CFAP221: variants seen among roughly 807,000 people sequenced by gnomAD.
The protein encoded by CFAP221 is cilia- and flagella-associated protein 221.
A neutral mutation model predicts 113.1 loss-of-function variants in CFAP221; 97 were observed. The ratio of observed to expected loss-of-function variants is 0.86; its 90% confidence interval spans 0.73 to 1.02. The LOEUF is 1.02. CFAP221 is among the 50% of genes least tolerant of loss of function. The pLI, the probability that CFAP221 is intolerant of heterozygous loss-of-function variation, is 0.00. For missense variants in CFAP221, 1,025 were observed against 1,013.4 expected (o/e 1.01, Z -0.16); for synonymous variants, 331 against 354.4 (o/e 0.93, Z 0.74).
intron 19 of CFAP221, among the ~76,000 whole-genome samples, chr2:119,632,836 A>G (rs552898472): frequency 2.6e-5 from 4 of 152,164 alleles, no homozygotes; most frequent in African/African-American, 7.2e-5. Flanking sequence ...ATATTTCTGT[A>G]TACTAGCAAC....
intron 8 of CFAP221, chr2:119,601,686 C>A: frequency 4.5e-6 from 1 of 221,056 alleles, no homozygotes; most frequent in Non-Finnish European, 8.8e-6. Context: ...ATTGCCTAGT[C>A]GAAAATTTAA....
intron 11 of CFAP221, among the ~76,000 whole-genome samples, 192 bp downstream of exon 11, chr2:119,605,481 G>A (rs1007444725): frequency 1.3e-5 from 2 of 152,250 alleles, no homozygotes; most frequent in African/African-American, 4.8e-5. Flanking sequence ...AAACCACACT[G>A]TTTGCTAAGT....
intron 7 of CFAP221, among the ~76,000 whole-genome samples, chr2:119,588,517 C>T (rs1683372450): frequency 6.6e-6 from 1 of 152,156 alleles, no homozygotes; most frequent in Non-Finnish European, 1.5e-5. Context: ...TATTCAAAAT[C>T]AGGGTACTAT....
chr2:119,553,811 A>C (rs1680592520), intron 3 of CFAP221, among the ~76,000 whole-genome samples: 1 of 152,166 alleles, frequency 6.6e-6, no homozygotes, highest in Non-Finnish European at 1.5e-5. Context: ...TCTGTCTTTC[A>C]TATTGCTGCT....
chr2:119,653,218 TA>T (rs1006847690), intron 23 of CFAP221, among the ~76,000 whole-genome samples: 48 of 151,792 alleles, frequency 3.2e-4, no homozygotes, highest in African/African-American at 1.1e-3. Context: ...CCATCTCTAC[TA>T]AAAATACAAA....
chr2:119,611,556 T>G, intron 12 of CFAP221, 97 bp from the exon 13 acceptor site: 2 of 1,014,506 alleles, frequency 2.0e-6, no homozygotes. Context: ...CGTGGGTGGA[T>G]TTGGCCAATT....
At chr2:119,567,042 C>T (rs1036837350) in intron 6 of CFAP221, among the ~76,000 whole-genome samples, 1 of 152,098 alleles carries the variant, frequency 6.6e-6, no homozygotes, top group Non-Finnish European at 1.5e-5. Flanking sequence ...CCCATATCTC[C>T]CTGCCCCATG....
intron 20 of CFAP221, among the ~76,000 whole-genome samples, chr2:119,639,402 G>A (rs950289545): frequency 9.2e-5 from 14 of 152,194 alleles, no homozygotes; most frequent in African/African-American, 3.4e-4. Flanking sequence ...CACGTGGCGC[G>A]CGTGTGCAGC....
At chr2:119,655,353 C>T (rs1244217506) in intron 23 of CFAP221, among the ~76,000 whole-genome samples, 1 of 152,160 alleles carries the variant, frequency 6.6e-6, no homozygotes, top group Admixed American at 6.5e-5. Flanking sequence ...ATTAGTATCT[C>T]TAAGGGGAGA....
chr2:119,555,437 T>C (rs948094964), intron 3 of CFAP221, among the ~76,000 whole-genome samples: 11 of 152,348 alleles, frequency 7.2e-5, no homozygotes, highest in Non-Finnish European at 1.5e-4. Context: ...TCAAATAAAC[T>C]CTTCATATTA....
intron 13 of CFAP221, among the ~76,000 whole-genome samples, chr2:119,613,733 A>G (rs970829698): frequency 2.6e-5 from 4 of 152,246 alleles, no homozygotes; most frequent in African/African-American, 9.6e-5. Flanking sequence ...AAGACCTCTG[A>G]CATGTCCTGG....
intron 3 of CFAP221, among the ~76,000 whole-genome samples, chr2:119,550,265 T>A (rs1680326650): frequency 6.6e-6 from 1 of 152,292 alleles, no homozygotes; most frequent in East Asian, 1.9e-4. Context: ...GAAAGTTCTA[T>A]CACGTTCGAT....
At chr2:119,558,724 A>T (rs1681004357) in intron 3 of CFAP221, among the ~76,000 whole-genome samples, 1 of 152,114 alleles carries the variant, frequency 6.6e-6, no homozygotes, top group African/African-American at 2.4e-5. Flanking sequence ...TCAGGAGCAA[A>T]TGCAGGAGGT....
chr2:119,603,792 A>G (rs558662419), intron 8 of CFAP221, among the ~76,000 whole-genome samples: 1 of 152,344 alleles, frequency 6.6e-6, no homozygotes, highest in South Asian at 2.1e-4. Context: ...TTAGATAAAA[A>G]TAATTTCTAA....
At chr2:119,617,078 A>G (rs766589835) in intron 14 of CFAP221, among the ~76,000 whole-genome samples, 1 of 152,256 alleles carries the variant, frequency 6.6e-6, no homozygotes, top group African/African-American at 2.4e-5. Flanking sequence ...CACTGAGGAC[A>G]ATAATGAGAC....
intron 8 of CFAP221, 164 bp downstream of exon 8, chr2:119,601,541 ATATATC>A (rs1468557777): frequency 6.2e-6 from 4 of 642,658 alleles, no homozygotes; most frequent in Admixed American, 3.6e-5. Flanking sequence ...GAAATATAGA[ATATATC>A]TATGCTAGTA....
chr2:119,584,043 A>T (rs1398644724), intron 6 of CFAP221, among the ~76,000 whole-genome samples: 1 of 152,246 alleles, frequency 6.6e-6, no homozygotes. Flanking sequence ...ACCAAAATGT[A>T]TAAGCTCATT....
Position 119,562,130 on chromosome 2 carries a change from G to T in CFAP221, c.527+16G>T. ...TTGGTGAAAGGTGAGTTACCAAAATGTCAACAAAATGTATAGGATGTGAAA... is the reference window on the plus strand; with the variant it reads ...TTGGTGAAAGGTGAGTTACCAAAATTTCAACAAAATGTATAGGATGTGAAA... On this transcript the variant is annotated intron_variant, in intron 6 of 23. Transcript: ENST00000413369. 1 of 1,486,564 alleles carries T rather than the reference G, an allele frequency of 6.7e-7. No individual in the cohort carries two copies. The highest frequency in any genetic ancestry group is 9.0e-7 in the Non-Finnish European group (1 of 1,105,420). The allele number at this position is 1,486,564 out of a possible 1,614,324, so 92.1% of individuals were successfully genotyped here. A position where few individuals can be genotyped will look rare whatever the true frequency, so the allele number is the denominator to read the frequency against.
chr2:119,593,486 G>A (rs948240902), intron 7 of CFAP221, among the ~76,000 whole-genome samples: 3 of 152,148 alleles, frequency 2.0e-5, no homozygotes, highest in Non-Finnish European at 2.9e-5. Context: ...GAGAGTAGGC[G>A]GTATCAGATG....
Sources: gnomAD v4.1 joint callset for allele counts (sites outside exome capture counted in the v4.1 genomes callset) on GRCh38, gnomAD v4.1.1 for gene constraint, MANE v1.5 for transcripts, NCBI Gene and HGNC (gene_info 2026-07-23, HGNC 2026-07-21) for gene names.